The following MSI2 variants were observed in gnomAD, a reference collection of about 807,000 sequenced individuals.
MSI2 encodes the protein musashi RNA binding protein 2, also known as RNA-binding protein Musashi homolog 2.
MSI2 carries 17 observed loss-of-function variants against 45.6 expected under a neutral mutation model. The observed-to-expected ratio is 0.37, with a 90% CI of 0.26 to 0.56. The LOEUF (loss-of-function observed/expected upper bound fraction) is 0.56, where lower values mean the gene tolerates loss of function less well. Among genes scored for constraint, MSI2 ranks in the 20% least tolerant of loss-of-function variants. The pLI, the probability that MSI2 is intolerant of heterozygous loss-of-function variation, is 0.77. For synonymous variants in MSI2, 156 were observed against 158.2 expected (o/e 0.99, Z 0.11); for missense variants, 293 against 444.2 (o/e 0.66, Z 3.06).
intron 7 of MSI2, among the ~76,000 whole-genome samples, chr17:57,595,711 A>T (rs1301175223): frequency 1.3e-5 from 2 of 152,002 alleles, no homozygotes; most frequent in African/African-American, 4.8e-5. Context: ...TTTGGATTTC[A>T]ACATGAATCT....
At chr17:57,629,810 C>T (rs1201932071) in intron 10 of MSI2, 7 of 152,424 alleles carry the variant, frequency 4.6e-5, no homozygotes, top group Non-Finnish European at 8.8e-5. Flanking sequence ...CATCTCGGCC[C>T]TCCAGGTGCA....
intron 6 of MSI2, among the ~76,000 whole-genome samples, chr17:57,425,373 A>C (rs974772557): frequency 6.6e-6 from 1 of 152,234 alleles, no homozygotes; most frequent in Non-Finnish European, 1.5e-5. Context: ...AGAACTAACA[A>C]ATCCTCTCAT....
intron 6 of MSI2, among the ~76,000 whole-genome samples, chr17:57,481,315 T>C (rs918664364): frequency 4.6e-5 from 7 of 152,210 alleles, no homozygotes; most frequent in Non-Finnish European, 8.8e-5. Context: ...CTGTAACCTA[T>C]TCCACCCAAA....
chr17:57,375,514 G>A (rs2083481267), intron 5 of MSI2, among the ~76,000 whole-genome samples: 1 of 152,240 alleles, frequency 6.6e-6, no homozygotes. Context: ...ATGCCAGGCA[G>A]CATGGAAGCC....
chr17:57,321,453 C>T (rs981795234), intron 5 of MSI2, among the ~76,000 whole-genome samples: 2 of 152,192 alleles, frequency 1.3e-5, no homozygotes, highest in Non-Finnish European at 2.9e-5. Context: ...TATCCTAGCA[C>T]TCTAGCCTTC....
chr17:57,600,319 C>T (rs1461973695), intron 8 of MSI2, among the ~76,000 whole-genome samples: 1 of 152,204 alleles, frequency 6.6e-6, no homozygotes, highest in Non-Finnish European at 1.5e-5. Flanking sequence ...ATAGCTGCAC[C>T]CCCTGGTACA....
At chr17:57,642,381 GCTCT>G (rs925494580) in intron 10 of MSI2, among the ~76,000 whole-genome samples, 2 of 152,210 alleles carry the variant, frequency 1.3e-5, no homozygotes, top group African/African-American at 2.4e-5. Flanking sequence ...TCTTCTGAGT[GCTCT>G]CTCTATCTTC....
chr17:57,482,689 C>T (rs1230826256), intron 6 of MSI2, among the ~76,000 whole-genome samples: 3 of 152,092 alleles, frequency 2.0e-5, no homozygotes, highest in Non-Finnish European at 2.9e-5. Context: ...TTTAACCTCC[C>T]GAGACTCTGT....
intron 5 of MSI2, among the ~76,000 whole-genome samples, chr17:57,389,443 A>G (rs2083747232): frequency 6.6e-6 from 1 of 152,118 alleles, no homozygotes; most frequent in Admixed American, 6.6e-5. Flanking sequence ...ACAGGCTGCA[A>G]AGGCCCTTCT....
At chr17:57,613,006 C>T (rs1907319188) in intron 8 of MSI2, among the ~76,000 whole-genome samples, 1 of 152,124 alleles carries the variant, frequency 6.6e-6, no homozygotes, top group Admixed American at 6.5e-5. Context: ...CAGTTTTCAC[C>T]CCTGGGCTTA....
At chr17:57,320,203 C>T (rs542137400) in intron 5 of MSI2, among the ~76,000 whole-genome samples, 1 of 152,200 alleles carries the variant, frequency 6.6e-6, no homozygotes, top group Non-Finnish European at 1.5e-5. Flanking sequence ...TGAGCTCTTG[C>T]AGTCACCTTC....
At chr17:57,580,093 G>T (rs980355310) in intron 7 of MSI2, among the ~76,000 whole-genome samples, 1 of 151,916 alleles carries the variant, frequency 6.6e-6, no homozygotes, top group Non-Finnish European at 1.5e-5. Flanking sequence ...AGAACCAGGT[G>T]ACCAGCTGTC....
chr17:57,269,555 G>A (rs533944624), intron 5 of MSI2, among the ~76,000 whole-genome samples: 1 of 152,126 alleles, frequency 6.6e-6, no homozygotes, highest in Non-Finnish European at 1.5e-5. Flanking sequence ...TCTACCTTTG[G>A]GGTGTGTGGC....
At chr17:57,291,860 C>T (rs1910450873) in intron 5 of MSI2, among the ~76,000 whole-genome samples, 1 of 152,126 alleles carries the variant, frequency 6.6e-6, no homozygotes. Context: ...CCATACCACC[C>T]TGAATGTGCC....
chr17:57,284,586 C>T (rs1036346282), intron 5 of MSI2, among the ~76,000 whole-genome samples: 5 of 152,126 alleles, frequency 3.3e-5, no homozygotes, highest in African/African-American at 9.7e-5. Flanking sequence ...ACTGTAATCC[C>T]ACGTAAAACA....
chr17:57,642,360 T>G (rs1479728394), intron 10 of MSI2, among the ~76,000 whole-genome samples: 1 of 152,246 alleles, frequency 6.6e-6, no homozygotes, highest in South Asian at 2.1e-4. Flanking sequence ...CTCCCATCTC[T>G]GAGGACTGAG....
intron 5 of MSI2, among the ~76,000 whole-genome samples, chr17:57,390,438 T>C (rs1755902713): frequency 2.0e-5 from 3 of 152,120 alleles, no homozygotes; most frequent in African/African-American, 7.2e-5. Flanking sequence ...TATCAGTAAG[T>C]TTTAACGACC....
chr17:57,471,114 C>T (rs1224874036), intron 6 of MSI2, among the ~76,000 whole-genome samples: 1 of 152,082 alleles, frequency 6.6e-6, no homozygotes, highest in Non-Finnish European at 1.5e-5. Context: ...TGGCTGCCCA[C>T]CTCACACCCT....
intron 6 of MSI2, among the ~76,000 whole-genome samples, chr17:57,456,582 G>A (rs1205590395): frequency 6.6e-6 from 1 of 151,740 alleles, no homozygotes; most frequent in Non-Finnish European, 1.5e-5. Context: ...GCGACAGAGC[G>A]ATCGAGACTC....
Sources: gnomAD v4.1 joint callset for allele counts (sites outside exome capture counted in the v4.1 genomes callset) on GRCh38, gnomAD v4.1.1 for gene constraint, MANE v1.5 for transcripts, NCBI Gene and HGNC (gene_info 2026-07-23, HGNC 2026-07-21) for gene names.